Variants in SP140 observed in about 807,000 individuals in gnomAD.
SP140 encodes the protein nuclear body protein SP140.
In SP140, 81 loss-of-function variants were observed where a neutral mutation model predicts 125.0. The ratio of observed to expected loss-of-function variants is 0.65; its 90% CI spans 0.54 to 0.78. The LOEUF is 0.78. SP140 is among the 30% of genes least tolerant of loss of function. SP140 has a pLI of 0.00. For missense variants in SP140, 858 were observed against 1,037.0 expected (o/e 0.83, Z 2.37); for synonymous variants, 312 against 354.0 (o/e 0.88, Z 1.33).
intron 3 of SP140, chr2:230,238,924 G>A (rs1284711200): frequency 4.5e-6 from 7 of 1,547,932 alleles, no homozygotes; most frequent in Non-Finnish European, 6.1e-6. Flanking sequence ...CGAACCATGT[G>A]GTTGAATTGC....
intron 21 of SP140, among the ~76,000 whole-genome samples, chr2:230,295,391 A>G (rs13391051): frequency 0.011 from 1,701 of 152,336 alleles, 35 homozygotes; most frequent in African/African-American, 0.038. Context: ...AAGGGAAACT[A>G]TGATGTCACC....
At chr2:230,300,563 C>A (rs973983913) in intron 22 of SP140, among the ~76,000 whole-genome samples, 1 of 152,114 alleles carries the variant, frequency 6.6e-6, no homozygotes, top group Non-Finnish European at 1.5e-5. Flanking sequence ...ACAATCACAG[C>A]AGTTTGGCTC....
chr2:230,246,377 GTTGGGTAACATTTGGGTAATATTACCACA>G (rs1196788368), intron 7 of SP140, among the ~76,000 whole-genome samples: 10 of 152,146 alleles, frequency 6.6e-5, no homozygotes, highest in Admixed American at 6.5e-5. Flanking sequence ...ATATTACCAC[GTTGGGTAACATTTGGGTAATATTACCACA>G]TTGGGTAACA....
At chr2:230,201,303 A>G (rs1239130575), upstream of SP140, among the ~76,000 whole-genome samples, 2 of 152,208 alleles carry the variant, frequency 1.3e-5, no homozygotes, top group Non-Finnish European at 2.9e-5. Flanking sequence ...GAAAATTTGC[A>G]AGGTCAAATT....
At chr2:230,202,590 G>A (rs1574675911), upstream of SP140, 8 of 1,614,062 alleles carry the variant, frequency 5.0e-6, no homozygotes, top group Non-Finnish European at 6.8e-6. Flanking sequence ...CTCTGATCTC[G>A]ACTTTCGGGC....
intron 12 of SP140, among the ~76,000 whole-genome samples, chr2:230,266,333 T>C (rs2053121248): frequency 6.6e-6 from 1 of 152,224 alleles, no homozygotes; most frequent in Non-Finnish European, 1.5e-5. Context: ...ACTCAATGAA[T>C]AGATTAAGAA....
At position 230,226,002 on chromosome 2, in the gene SP140, A is replaced by G. The variant is rs2046282673; in HGVS notation, c.59+99A>G. ...CTACCCAGCTTCACTCTACAGGTAT[A>G]CAATAGAATTCAGTTACAAATAAAT... On this transcript the variant is annotated intron_variant, in intron 1 of 26. Coordinates refer to ENST00000392045, the MANE Select transcript of SP140 (RefSeq NM_007237.5). 1.0e-5 allele frequency: 9 copies of G among 872,738 alleles called. No individual in the cohort carries two copies. In the East Asian group the frequency reaches 1.9e-4, roughly 18 times the overall value. 54.1% of individuals were successfully genotyped at this position (872,738 alleles called of 1,614,324 possible). A position where few individuals can be genotyped will look rare whatever the true frequency, so the allele number is the denominator to read the frequency against.
At chr2:230,296,290 A>G (rs12477360) in intron 21 of SP140, among the ~76,000 whole-genome samples, 13,922 of 152,218 alleles carry the variant, frequency 0.091, 821 homozygotes, top group East Asian at 0.12. Context: ...TGAATTACAA[A>G]TGGGGTGGGG....
At chr2:230,274,535 A>G (rs2054424626) in intron 15 of SP140, among the ~76,000 whole-genome samples, 1 of 152,206 alleles carries the variant, frequency 6.6e-6, no homozygotes, top group South Asian at 2.1e-4. Flanking sequence ...AAAGGAGCAA[A>G]GCCCTGCAGA....
rs542093615 is a variant in SP140 at position 230,305,711 on chromosome 2, C to T, written c.2059-4213C>T. Among the ~76,000 whole-genome samples, 31 of 152,268 alleles carry T rather than the reference C, an allele frequency of 2.0e-4. No homozygotes were observed. The East Asian group carries it at 5.2e-3, about 26-fold the overall frequency. Reference sequence around the variant, plus strand: ...GGAGCAGTGGCCACACTTCAGGGGCCGGGGTGGGAAGTGGGAGTGGCGCCC... The same window carrying T: ...GGAGCAGTGGCCACACTTCAGGGGCTGGGGTGGGAAGTGGGAGTGGCGCCC... On this transcript the variant is annotated intron_variant, in intron 22 of 26. Transcript: ENST00000392045.
At chr2:230,206,598 TATATATATATATATATATATATA>T (rs1559169594) in intron 1 of SP140, among the ~76,000 whole-genome samples, 1 of 31,310 alleles carries the variant, frequency 3.2e-5, no homozygotes, top group Non-Finnish European at 5.6e-5. Context: ...CCAGATTTTA[TATATATATATATATATATATATA>T]TATATATATA....
chr2:230,279,907 A>T (rs892076242), intron 15 of SP140, among the ~76,000 whole-genome samples: 19 of 151,494 alleles, frequency 1.3e-4, no homozygotes, highest in African/African-American at 4.1e-4. Flanking sequence ...ACAGGCATAT[A>T]CCACCCCTAA....
At chr2:230,241,618 A>G (rs2048740494) in intron 4 of SP140, 131 bp downstream of exon 4, 1 of 637,050 alleles carries the variant, frequency 1.6e-6, no homozygotes, top group Non-Finnish European at 2.8e-6. Flanking sequence ...TCACACAGCC[A>G]TGTACCTGCC....
chr2:230,304,410 A>G (rs1268187325), intron 22 of SP140, among the ~76,000 whole-genome samples: 1 of 152,198 alleles, frequency 6.6e-6, no homozygotes, highest in African/African-American at 2.4e-5. Flanking sequence ...CAATTCTAAA[A>G]TTCATACAGA....
intron 20 of SP140, among the ~76,000 whole-genome samples, chr2:230,293,616 G>A (rs1266959102): frequency 2.0e-5 from 3 of 151,910 alleles, no homozygotes; most frequent in South Asian, 2.1e-4. Context: ...GGTTACAGGC[G>A]ACAGCCACCC....
intron 15 of SP140, among the ~76,000 whole-genome samples, chr2:230,284,086 G>A (rs2056022199): frequency 6.6e-6 from 1 of 152,120 alleles, no homozygotes; most frequent in Non-Finnish European, 1.5e-5. Flanking sequence ...GTGCCAGCAA[G>A]AGTTAATTTT....
intron 12 of SP140, 51 bp downstream of exon 12, chr2:230,255,583 G>A: frequency 6.4e-7 from 1 of 1,550,658 alleles, no homozygotes; most frequent in African/African-American, 1.4e-5. Context: ...GTGTCAGGAG[G>A]TTGAATTTGG....
At chr2:230,243,968 G>A (rs779071243) in intron 5 of SP140, among the ~76,000 whole-genome samples, 157 bp downstream of exon 5, 1 of 152,164 alleles carries the variant, frequency 6.6e-6, no homozygotes, top group African/African-American at 2.4e-5. Context: ...TTTCCTAAGT[G>A]TATGTTATAG....
Position 230,241,492 on chromosome 2 carries a change from C to A in SP140, c.490+5C>A, listed in dbSNP as rs769510267. 1.3e-6 allele frequency: 2 copies of A among 1,510,698 alleles called. No individual in the cohort carries two copies. Among genetic ancestry groups the A allele is most frequent in the South Asian group, 2.2e-5 (2 of 89,024 alleles). 93.6% of individuals were successfully genotyped at this position (1,510,698 alleles called of 1,614,324 possible). On this transcript the variant is annotated splice_donor_5th_base_variant and intron_variant, in intron 4 of 26. Transcript: ENST00000392045. ...TACTACCATATGGTAAACAAGGTAACTATCATTTAGCTGATCAATGCCCTT... is the reference window on the plus strand; with the variant it reads ...TACTACCATATGGTAAACAAGGTAAATATCATTTAGCTGATCAATGCCCTT...
Sources: allele counts gnomAD v4.1 joint callset (sites outside exome capture counted in the v4.1 genomes callset), GRCh38; gene constraint gnomAD v4.1.1; transcripts MANE v1.5; gene names NCBI Gene and HGNC (gene_info 2026-07-23, HGNC 2026-07-21).